The following EBF1 variants were observed in gnomAD, a reference collection of about 807,000 sequenced individuals.
EBF1 encodes transcription factor COE1.
In EBF1, 10 loss-of-function variants were observed where a neutral mutation model predicts 68.4. The observed-to-expected ratio is 0.15, with a 90% confidence interval of 0.09 to 0.25. EBF1 has a LOEUF of 0.25. Ranked by LOEUF, EBF1 falls within the 10% of genes least tolerant of loss-of-function variation. The pLI, the probability that EBF1 is intolerant of heterozygous loss-of-function variation, is 1.00. For synonymous variants in EBF1, 298 were observed against 299.8 expected, an observed-to-expected ratio of 0.99 and a Z score of 0.06; for missense variants, 509 against 794.4, an observed-to-expected ratio of 0.64 and a Z score of 4.32.
chr5:158,704,296 G>A (rs186762826), intron 15 of EBF1, among the ~76,000 whole-genome samples: 90 of 152,332 alleles, frequency 5.9e-4, no homozygotes, highest in African/African-American at 1.9e-3. Context: ...TGTAGTAACC[G>A]GAGGAGACTA....
chr5:158,773,054 T>C (rs571891319), intron 10 of EBF1, among the ~76,000 whole-genome samples: 3 of 151,924 alleles, frequency 2.0e-5, no homozygotes, highest in Admixed American at 1.3e-4. Flanking sequence ...AGTCAATCAG[T>C]ATGCGAGGTA....
At chr5:158,866,833 GTATATATATATATATATATATATA>G (rs70987938) in intron 6 of EBF1, among the ~76,000 whole-genome samples, 2,595 of 92,674 alleles carry the variant, frequency 0.028, 53 homozygotes, top group Middle Eastern at 0.047. Context: ...ATATGTATAT[GTATATATATATATATATATATATA>G]TATATATATA....
At chr5:158,868,684 A>G (rs1252120583) in intron 6 of EBF1, among the ~76,000 whole-genome samples, 1 of 152,238 alleles carries the variant, frequency 6.6e-6, no homozygotes, top group Non-Finnish European at 1.5e-5. Context: ...AGTACAGACT[A>G]GCAGACCAAT....
intron 5 of EBF1, among the ~76,000 whole-genome samples, chr5:159,083,738 C>A (rs1780128389): frequency 6.6e-6 from 1 of 152,234 alleles, no homozygotes; most frequent in South Asian, 2.1e-4. Flanking sequence ...CAGTAATAGT[C>A]AGCAGCCAGG....
At chr5:158,966,220 C>T (rs952611212) in intron 6 of EBF1, among the ~76,000 whole-genome samples, 1 of 152,120 alleles carries the variant, frequency 6.6e-6, no homozygotes, top group Admixed American at 6.5e-5. Flanking sequence ...GAACTTCACA[C>T]CCAACTTTCC....
intron 6 of EBF1, among the ~76,000 whole-genome samples, chr5:158,878,703 G>A (rs550367257): frequency 6.6e-6 from 1 of 151,564 alleles, no homozygotes; most frequent in South Asian, 2.1e-4. Flanking sequence ...GAGTGCAGTG[G>A]AATGATCTCA....
chr5:158,796,333 G>A lies in EBF1; in HGVS notation c.909+12C>T. 6.2e-7 allele frequency: 1 copy of A among 1,606,140 alleles called. No individual in the cohort carries two copies. Among genetic ancestry groups the A allele is most frequent in the South Asian group, 1.1e-5 (1 of 89,364 alleles). Reference sequence around the variant, plus strand: ...TCAAGCTATTAGATATTAATGTTCAGACAACACCTACCTCACTCCAGACCA... The same window carrying A: ...TCAAGCTATTAGATATTAATGTTCAAACAACACCTACCTCACTCCAGACCA... On this transcript the variant is annotated intron_variant, in intron 9 of 15. Coordinates refer to ENST00000313708, the MANE Select transcript of EBF1 (RefSeq NM_024007.5).
chr5:158,794,599 T>C (rs1041251718), intron 9 of EBF1, among the ~76,000 whole-genome samples: 4 of 152,214 alleles, frequency 2.6e-5, no homozygotes, highest in African/African-American at 9.6e-5. Flanking sequence ...GGGTCAGTAA[T>C]TTTTAATGCC....
chr5:159,017,971 G>A (rs780915170), intron 6 of EBF1, among the ~76,000 whole-genome samples: 4 of 152,040 alleles, frequency 2.6e-5, no homozygotes, highest in Admixed American at 6.6e-5. Context: ...GTCTCTCTGC[G>A]GCTCCCATTA....
chr5:158,967,156 A>G (rs1561654183), intron 6 of EBF1, among the ~76,000 whole-genome samples: 1 of 152,228 alleles, frequency 6.6e-6, no homozygotes, highest in Non-Finnish European at 1.5e-5. Flanking sequence ...CATCCCTTCC[A>G]TTTAACAAAT....
In EBF1 at chr5:159,056,283, G is replaced by GA. The variant is rs535531892; in HGVS notation, c.554+17112dup. Among the ~76,000 whole-genome samples the GA allele has an allele frequency of 1.1e-4, 16 of 152,256 alleles. No homozygotes were observed. In the East Asian group the frequency reaches 1.5e-3, roughly 15 times the overall value. On this transcript the variant is annotated intron_variant, in intron 6 of 15. Transcript: ENST00000313708. The stretch of plus-strand genomic sequence containing the variant: ...TCAGTCATATATTTCTGTGGAGACG[G>GA]AAAAAATTAAATTTTTCCAAATCAG...
intron 6 of EBF1, among the ~76,000 whole-genome samples, chr5:159,038,820 G>T (rs1448416270): frequency 6.6e-6 from 1 of 152,160 alleles, no homozygotes; most frequent in Non-Finnish European, 1.5e-5. Flanking sequence ...TCCCAGGAGG[G>T]CTAATGGGAT....
At chr5:158,886,787 A>AGACCATCT (rs1466546771) in intron 6 of EBF1, among the ~76,000 whole-genome samples, 1 of 152,216 alleles carries the variant, frequency 6.6e-6, no homozygotes, top group Non-Finnish European at 1.5e-5. Context: ...CAAGGCAGGC[A>AGACCATCT]GACCACCTGA....
At chr5:159,055,481 T>C (rs548844216) in intron 6 of EBF1, among the ~76,000 whole-genome samples, 1 of 152,214 alleles carries the variant, frequency 6.6e-6, no homozygotes, top group South Asian at 2.1e-4. Context: ...TCTCATTTCA[T>C]AATGAATGAG....
At chr5:159,070,985 G>T (rs921968535) in intron 6 of EBF1, among the ~76,000 whole-genome samples, 1 of 152,110 alleles carries the variant, frequency 6.6e-6, no homozygotes, top group African/African-American at 2.4e-5. Context: ...GCAATTTTAT[G>T]GAATTGAAAA....
chr5:158,838,819 T>C (rs1284402224), intron 7 of EBF1, among the ~76,000 whole-genome samples: 1 of 152,244 alleles, frequency 6.6e-6, no homozygotes, highest in Non-Finnish European at 1.5e-5. Context: ...GTTTCCTTGA[T>C]GGACCATATG....
At chr5:158,907,007 G>C (rs1465708880) in intron 6 of EBF1, among the ~76,000 whole-genome samples, 1 of 152,232 alleles carries the variant, frequency 6.6e-6, no homozygotes, top group Non-Finnish European at 1.5e-5. Context: ...ATATTGATGA[G>C]CACCTATGTG....
At chr5:158,761,533 ATTAAC>A (rs1167341463) in intron 10 of EBF1, among the ~76,000 whole-genome samples, 1 of 152,222 alleles carries the variant, frequency 6.6e-6, no homozygotes, top group Admixed American at 6.5e-5. Context: ...GGTAATTCAC[ATTAAC>A]TTCATAATAA....
At chr5:158,955,331 AAGAG>A (rs566693160) in intron 6 of EBF1, among the ~76,000 whole-genome samples, 6 of 151,924 alleles carry the variant, frequency 3.9e-5, no homozygotes, top group Non-Finnish European at 8.8e-5. Flanking sequence ...CTAAAAAAAA[AAGAG>A]AGAGAGAGAG....
Sources: allele counts gnomAD v4.1 joint callset (sites outside exome capture counted in the v4.1 genomes callset), GRCh38; gene constraint gnomAD v4.1.1; transcripts MANE v1.5; gene names NCBI Gene and HGNC (gene_info 2026-07-23, HGNC 2026-07-21).